FAF1: variants seen among roughly 807,000 people sequenced by gnomAD.
FAF1 encodes Fas associated factor 1, also known as FAS-associated factor 1.
Under a neutral mutation model 92.5 loss-of-function variants are expected in FAF1, and 25 were observed. The observed-to-expected ratio is 0.27, with a 90% CI of 0.20 to 0.38. The LOEUF (loss-of-function observed/expected upper bound fraction) is 0.38, where lower values mean the gene tolerates loss of function less well. Among genes scored for constraint, FAF1 ranks in the 10% least tolerant of loss-of-function variants. The pLI, the probability that FAF1 is intolerant of heterozygous loss-of-function variation, is 1.00. For synonymous variants in FAF1, 234 were observed against 273.2 expected (o/e 0.86, Z 1.42); for missense variants, 636 against 793.3 (o/e 0.80, Z 2.38).
intron 7 of FAF1, among the ~76,000 whole-genome samples, chr1:50,680,662 G>A (rs1415634228): frequency 6.6e-6 from 1 of 151,572 alleles, no homozygotes; most frequent in Non-Finnish European, 1.5e-5. Flanking sequence ...CAGCCTGGGC[G>A]ATGAGTGAAA....
At chr1:50,748,694 A>C (rs1659728523) in intron 4 of FAF1, among the ~76,000 whole-genome samples, 1 of 152,214 alleles carries the variant, frequency 6.6e-6, no homozygotes, top group South Asian at 2.1e-4. Context: ...ATCAGAATGT[A>C]CTTATCTTTC....
intron 4 of FAF1, among the ~76,000 whole-genome samples, chr1:50,766,051 C>CAG (rs1289798931): frequency 6.6e-6 from 1 of 151,936 alleles, no homozygotes; most frequent in Non-Finnish European, 1.5e-5. Context: ...GAGATCGCGC[C>CAG]ATTGCACTCC....
In FAF1 at chr1:50,584,811, G is replaced by GTTCTTCCGA. The variant is rs1651147630; in HGVS notation, c.841-1_841insTCGGAAGAA (p.Ser278_Glu280dup). On this transcript the variant is annotated inframe_insertion and splice_region_variant. Coordinates refer to ENST00000396153, the MANE Select transcript of FAF1 (RefSeq NM_007051.3). ...CTAACCATATGAACATCGGTGATTT[G>GTTCTTCCGA]CTATTTAAGGAAAGTCCTGATTAGT... 6.2e-7 allele frequency: 1 copy of GTTCTTCCGA among 1,612,222 alleles called. No homozygotes were observed. The highest frequency in any genetic ancestry group is 1.7e-5 in the Admixed American group (1 of 59,864).
rs542385003 is a variant in FAF1, at chr1:50,755,359, C to T, written c.368-10584G>A. ...AAATCTTAAAGCTCCAAAATGATCT[C>T]CTTTGACTCCAAGTCTCACATCTAG... On this transcript the variant is annotated intron_variant, in intron 4 of 18. Transcript: ENST00000396153. 1.3e-4 allele frequency among the ~76,000 whole-genome samples: 20 copies of T among 152,320 alleles called. No individual in the cohort carries two copies. The South Asian group carries it at 3.7e-3, about 28-fold the overall frequency.
chr1:50,905,655 T>C (rs1016853131), intron 1 of FAF1, among the ~76,000 whole-genome samples: 18 of 152,224 alleles, frequency 1.2e-4, no homozygotes, highest in Non-Finnish European at 2.5e-4. Flanking sequence ...TTTTTTCATG[T>C]GTCTGTTGGC....
At chr1:50,724,340 G>A (rs1224976491) in intron 6 of FAF1, among the ~76,000 whole-genome samples, 2 of 140,422 alleles carry the variant, frequency 1.4e-5, no homozygotes, top group Non-Finnish European at 3.0e-5. Context: ...CCCCTGCTCA[G>A]TGGATGCATG....
intron 2 of FAF1, among the ~76,000 whole-genome samples, chr1:50,849,712 T>C (rs1199153193): frequency 6.6e-6 from 1 of 152,110 alleles, no homozygotes; most frequent in East Asian, 1.9e-4. Context: ...TTGGCATAAG[T>C]AAAACATAAT....
intron 1 of FAF1, among the ~76,000 whole-genome samples, chr1:50,896,536 T>C (rs1429537315): frequency 1.3e-5 from 2 of 152,148 alleles, no homozygotes; most frequent in Admixed American, 1.3e-4. Context: ...TAAGTGTCCA[T>C]GAATGGATGT....
chr1:50,739,809 T>A (rs993892037), intron 5 of FAF1, among the ~76,000 whole-genome samples: 1 of 152,154 alleles, frequency 6.6e-6, no homozygotes, highest in African/African-American at 2.4e-5. Flanking sequence ...TCTCACTCTT[T>A]GAAATGAATA....
intron 4 of FAF1, among the ~76,000 whole-genome samples, chr1:50,760,379 C>A (rs934395501): frequency 6.6e-6 from 1 of 152,080 alleles, no homozygotes; most frequent in South Asian, 2.1e-4. Flanking sequence ...ATCAACAGAA[C>A]ATACATTTTT....
chr1:50,950,569 G>A (rs1450684539), intron 1 of FAF1, among the ~76,000 whole-genome samples: 1 of 152,180 alleles, frequency 6.6e-6, no homozygotes, highest in Non-Finnish European at 1.5e-5. Context: ...ACAGGCAGCT[G>A]GCCTGCAAGA....
chr1:50,895,333 A>C (rs745402215), intron 1 of FAF1, among the ~76,000 whole-genome samples: 4 of 152,184 alleles, frequency 2.6e-5, no homozygotes, highest in Non-Finnish European at 5.9e-5. Context: ...CCAAAATGTG[A>C]ATAGACCAGT....
At chr1:50,570,767 T>G (rs949487258) in intron 12 of FAF1, among the ~76,000 whole-genome samples, 1 of 152,204 alleles carries the variant, frequency 6.6e-6, no homozygotes, top group African/African-American at 2.4e-5. Context: ...CTAGTAAATT[T>G]AGGCTATATA....
At chr1:50,920,272 A>T (rs894675409) in intron 1 of FAF1, among the ~76,000 whole-genome samples, 1 of 151,620 alleles carries the variant, frequency 6.6e-6, no homozygotes, top group East Asian at 1.9e-4. Context: ...ACCACACTCC[A>T]GCCTGGGTGA....
chr1:50,887,603 C>A lies in FAF1; in HGVS notation c.46-29606G>T, dbSNP rs563212271. Among the ~76,000 whole-genome samples the A allele has an allele frequency of 8.5e-5, 13 of 152,284 alleles. No homozygotes were observed. In the South Asian group the frequency reaches 2.7e-3, roughly 32 times the overall value. ...TTTCAGCTTTCTACATATGGCTAGCCGGTTTTCCCAGCACCAATTATTAAA... is the reference window on the plus strand; with the variant it reads ...TTTCAGCTTTCTACATATGGCTAGCAGGTTTTCCCAGCACCAATTATTAAA... On this transcript the variant is annotated intron_variant, in intron 1 of 18. Coordinates refer to ENST00000396153, the MANE Select transcript of FAF1 (RefSeq NM_007051.3).
At chr1:50,935,844 A>T (rs914493509) in intron 1 of FAF1, among the ~76,000 whole-genome samples, 1 of 152,220 alleles carries the variant, frequency 6.6e-6, no homozygotes, top group Non-Finnish European at 1.5e-5. Flanking sequence ...TTGCAGCATC[A>T]ATGTTTTCAT....
chr1:50,928,050 C>T (rs1645019652), intron 1 of FAF1, among the ~76,000 whole-genome samples: 1 of 152,154 alleles, frequency 6.6e-6, no homozygotes, highest in Non-Finnish European at 1.5e-5. Flanking sequence ...TAATGACAGA[C>T]TGTGATTTTG....
chr1:50,496,603 T>A (rs536692563), intron 15 of FAF1, among the ~76,000 whole-genome samples: 61 of 152,240 alleles, frequency 4.0e-4, no homozygotes, highest in Non-Finnish European at 6.3e-4. Flanking sequence ...GTAAAAGTTA[T>A]CTCTGGGGAC....
intron 1 of FAF1, among the ~76,000 whole-genome samples, chr1:50,878,976 T>C (rs1364337071): frequency 6.6e-6 from 1 of 152,200 alleles, no homozygotes; most frequent in East Asian, 1.9e-4. Flanking sequence ...GCAGGTATGG[T>C]GGCTTATGCC....
Sources: allele counts gnomAD v4.1 joint callset (sites outside exome capture counted in the v4.1 genomes callset), GRCh38; gene constraint gnomAD v4.1.1; transcripts MANE v1.5; gene names NCBI Gene and HGNC (gene_info 2026-07-23, HGNC 2026-07-21).